Variants in DNAJC1 observed in about 807,000 individuals in gnomAD.
DNAJC1 encodes the protein DnaJ heat shock protein family (Hsp40) member C1.
A neutral mutation model predicts 76.6 loss-of-function variants in DNAJC1; 58 were observed. The observed-to-expected ratio is 0.76, with a 90% CI of 0.61 to 0.94. The LOEUF is 0.94. DNAJC1 is among the 40% of genes least tolerant of loss of function. The pLI is 0.00. For missense variants in DNAJC1, 689 were observed against 677.3 expected (o/e 1.02, Z -0.19); for synonymous variants, 258 against 267.9 (o/e 0.96, Z 0.36).
chr10:21,860,035 G>T (rs181255438), intron 8 of DNAJC1, among the ~76,000 whole-genome samples: 60 of 151,832 alleles, frequency 4.0e-4, no homozygotes, highest in Non-Finnish European at 6.8e-4. Context: ...CCACCCCTTC[G>T]GCCTCCCAAA....
intron 1 of DNAJC1, among the ~76,000 whole-genome samples, chr10:21,999,135 A>G (rs1162246208): frequency 6.6e-6 from 1 of 152,102 alleles, no homozygotes; most frequent in East Asian, 1.9e-4. Flanking sequence ...ATCTCAAAAG[A>G]ATGTTCTATA....
intron 7 of DNAJC1, among the ~76,000 whole-genome samples, chr10:21,891,105 G>A (rs1164764302): frequency 5.3e-5 from 8 of 152,044 alleles, no homozygotes; most frequent in African/African-American, 1.2e-4. Flanking sequence ...CAGGAGAATC[G>A]CTTGAACCCA....
intron 8 of DNAJC1, among the ~76,000 whole-genome samples, chr10:21,856,606 T>TA (rs1460183199): frequency 2.0e-5 from 3 of 151,790 alleles, no homozygotes; most frequent in East Asian, 1.9e-4. Context: ...AAGAACCAAT[T>TA]AAAAAAAATT....
rs534216525 is a variant in DNAJC1 at position 21,955,543 on chromosome 10, TAAC to T, written c.223-26405_223-26403del. On this transcript the variant is annotated intron_variant, in intron 1 of 11. Coordinates refer to ENST00000376980, the MANE Select transcript of DNAJC1 (RefSeq NM_022365.4). The stretch of plus-strand genomic sequence containing the variant: ...TTTTCCTTTTGATTCATTTTTCTAA[TAAC>T]AAAAATTATATATATTTATAAACAT... Among the ~76,000 whole-genome samples the T allele has an allele frequency of 3.1e-3, 475 of 152,198 alleles. 3 individuals carry two copies. The highest frequency in any genetic ancestry group is 0.011 in the African/African-American group (456 of 41,562).
intron 1 of DNAJC1, among the ~76,000 whole-genome samples, chr10:22,000,020 T>C (rs546365128): frequency 1.3e-5 from 2 of 152,334 alleles, no homozygotes; most frequent in Admixed American, 1.3e-4. Context: ...AAATTCCTGA[T>C]GTTCTCCAAA....
At chr10:21,766,139 C>G (rs2131618691) in intron 10 of DNAJC1, 122 bp downstream of exon 10, 1 of 768,008 alleles carries the variant, frequency 1.3e-6, no homozygotes, top group African/African-American at 1.7e-5. Context: ...GGAGATATGA[C>G]CAGATTTAGA....
At position 21,912,762 on chromosome 10, in the gene DNAJC1, TTC is replaced by T. The variant is rs1836885548; in HGVS notation, c.729+6015_729+6016del. 3.3e-5 allele frequency among the ~76,000 whole-genome samples: 5 copies of T among 152,130 alleles called. No homozygotes were observed. In the South Asian group the frequency reaches 1.0e-3, roughly 32 times the overall value. On this transcript the variant is annotated intron_variant, in intron 6 of 11. Transcript: ENST00000376980. Reference sequence around the variant, plus strand: ...CCTCATAGCCTTTTAGAAGCTTTTTTTCCTGCTAATTAGCTGTGAATGTTCTG... The same window carrying T: ...CCTCATAGCCTTTTAGAAGCTTTTTTCTGCTAATTAGCTGTGAATGTTCTG...
chr10:21,828,929 A>C (rs897211982), intron 8 of DNAJC1, among the ~76,000 whole-genome samples: 3 of 152,190 alleles, frequency 2.0e-5, no homozygotes, highest in African/African-American at 4.8e-5. Context: ...CTGCTCCTTG[A>C]AAGTGTGGTA....
intron 8 of DNAJC1, among the ~76,000 whole-genome samples, chr10:21,809,859 A>T (rs943262489): frequency 6.6e-6 from 1 of 152,080 alleles, no homozygotes; most frequent in Non-Finnish European, 1.5e-5. Flanking sequence ...TTTTACTCTT[A>T]GGAAGAGAAA....
intron 1 of DNAJC1, among the ~76,000 whole-genome samples, chr10:21,944,200 T>C (rs1307078850): frequency 6.6e-6 from 1 of 151,978 alleles, no homozygotes; most frequent in African/African-American, 2.4e-5. Context: ...TCCTCCAATT[T>C]TAATAAGCAG....
chr10:21,859,637 G>A (rs1163459136), intron 8 of DNAJC1, among the ~76,000 whole-genome samples: 1 of 151,944 alleles, frequency 6.6e-6, no homozygotes, highest in African/African-American at 2.4e-5. Flanking sequence ...TAGACAGAGG[G>A]GTTATACACA....
intron 8 of DNAJC1, among the ~76,000 whole-genome samples, chr10:21,823,651 TC>T (rs1843182816): frequency 6.6e-6 from 1 of 151,962 alleles, no homozygotes; most frequent in African/African-American, 2.4e-5. Flanking sequence ...GGGTGTCCAA[TC>T]TTTTGGCTTC....
At chr10:21,865,290 T>G (rs535992730) in intron 8 of DNAJC1, 2 of 152,120 alleles carry the variant, frequency 1.3e-5, no homozygotes, top group Admixed American at 1.3e-4. Context: ...AGCAGATTTA[T>G]TAATGATGGT....
intron 8 of DNAJC1, among the ~76,000 whole-genome samples, chr10:21,863,476 G>A (rs2131700920): frequency 6.6e-6 from 1 of 151,946 alleles, no homozygotes; most frequent in South Asian, 2.1e-4. Flanking sequence ...CACAGAGGAG[G>A]GAACATTTCC....
At chr10:21,985,352 C>T (rs529845101) in intron 1 of DNAJC1, among the ~76,000 whole-genome samples, 10 of 150,806 alleles carry the variant, frequency 6.6e-5, no homozygotes, top group Admixed American at 4.0e-4. Context: ...CAGGTTCAAA[C>T]GATTCTCCTG....
At chr10:21,972,478 T>C (rs1837997221) in intron 1 of DNAJC1, among the ~76,000 whole-genome samples, 1 of 152,050 alleles carries the variant, frequency 6.6e-6, no homozygotes, top group Admixed American at 6.5e-5. Flanking sequence ...TTCTCAAAAT[T>C]AGCAGCAGCT....
intron 6 of DNAJC1, among the ~76,000 whole-genome samples, chr10:21,910,824 A>G (rs953615575): frequency 2.3e-5 from 2 of 86,600 alleles, no homozygotes; most frequent in African/African-American, 1.0e-4. Context: ...GAAAGGAAAG[A>G]AAGGAAGGAG....
chr10:21,947,562 A>G (rs1033163441), intron 1 of DNAJC1, among the ~76,000 whole-genome samples: 2 of 152,216 alleles, frequency 1.3e-5, no homozygotes, highest in Admixed American at 6.5e-5. Context: ...ACAGTATATG[A>G]TACATATAAC....
chr10:21,806,022 T>A lies in DNAJC1; in HGVS notation c.1056A>T (p.Arg352=), dbSNP rs374010733. The A allele has an allele frequency of 1.5e-4, 240 of 1,611,654 alleles. No homozygotes were observed. Among genetic ancestry groups the A allele is most frequent in the Non-Finnish European group, 1.9e-4 (228 of 1,179,650 alleles). ...CCAATTCGTGGGCAATCTTTTCCCA[T>A]CGACCTGGAGTCCCTCCTGGGAACT... The part of the protein sequence containing the change: ...MVKFPGGTPG[R]WEKIAHELGR... The change falls in exon 9 of 12, where the codon CGA becomes CGT. Residue 352 remains arginine (R), a synonymous_variant. Coordinates refer to ENST00000376980, the MANE Select transcript of DNAJC1 (RefSeq NM_022365.4).
Sources: gnomAD v4.1 joint callset for allele counts (sites outside exome capture counted in the v4.1 genomes callset) on GRCh38, gnomAD v4.1.1 for gene constraint, MANE v1.5 for transcripts, NCBI Gene and HGNC (gene_info 2026-07-23, HGNC 2026-07-21) for gene names.